Variants in SYNE1 observed in about 807,000 individuals in gnomAD.
SYNE1 encodes spectrin repeat containing nuclear envelope protein 1.
Under a neutral mutation model 1,111.0 loss-of-function variants are expected in SYNE1, and 616 were observed. The ratio of observed to expected loss-of-function variants is 0.55; its 90% confidence interval spans 0.52 to 0.59. The LOEUF (loss-of-function observed/expected upper bound fraction) is 0.59. Among genes scored for constraint, SYNE1 ranks in the 20% least tolerant of loss-of-function variants. SYNE1 has a pLI of 0.00. For missense variants in SYNE1, 10,006 were observed against 10,417.0 expected (o/e 0.96, Z 1.72); for synonymous variants, 3,855 against 3,825.8 (o/e 1.01, Z -0.28).
chr6:152,239,015 A>G (rs1165496244), intron 108 of SYNE1, among the ~76,000 whole-genome samples: 1 of 151,210 alleles, frequency 6.6e-6, no homozygotes, highest in Non-Finnish European at 1.5e-5. Context: ...CTCCTGCCTC[A>G]GCCTCCCAAG....
chr6:152,136,573 C>T (rs2057127304), intron 141 of SYNE1, 45 bp downstream of exon 141: 1 of 1,607,632 alleles, frequency 6.2e-7, no homozygotes, highest in Non-Finnish European at 8.5e-7. Context: ...AGCTAAATTG[C>T]TAATGTCTCT....
In SYNE1 at chr6:152,364,959, C is replaced by T; in HGVS notation, c.10033G>A (p.Glu3345Lys). ...IQMKMIVTRG[E>K]SVLQNTSPEG... is the part of the protein sequence containing the mutation. ...GGAGAAGTATTCTGAAGGACAGATTCTCCCCTGGTCACTATCATTTTCATC... is the reference window on the plus strand; with the variant it reads ...GGAGAAGTATTCTGAAGGACAGATTTTCCCCTGGTCACTATCATTTTCATC... The change falls in exon 63 of 146, where the codon GAA (glutamate) becomes AAA (lysine). Residue 3345 changes from glutamate (E) to lysine (K), a missense_variant. By Grantham distance (56) the Glu-to-Lys change is moderately conservative. Transcript: ENST00000367255. 2 of 1,614,252 alleles carry T rather than the reference C, an allele frequency of 1.2e-6. No homozygotes were observed. Among genetic ancestry groups the T allele is most frequent in the Middle Eastern group, 1.6e-4 (1 of 6,062 alleles).
At position 152,353,348 on chromosome 6, in the gene SYNE1, G is replaced by C; in HGVS notation, c.11168C>G (p.Ser3723Cys). The C allele has an allele frequency of 6.2e-7, 1 of 1,614,056 alleles. No individual in the cohort carries two copies. The highest frequency in any genetic ancestry group is 8.5e-7 in the Non-Finnish European group (1 of 1,180,008). ...SLSSYSDWYGSTHKNFKNVAT... is the reference protein window; with the variant it reads ...SLSSYSDWYGCTHKNFKNVAT... ...CACATTCTTGAAGTTTTTATGAGTA[G>C]AGCCATACCAATCAGAATAGGAACT... Residue 3723 changes from serine (S) to cysteine (C), a missense_variant, in exon 69 of 146, where the codon TCT (serine) becomes TGT (cysteine). Coordinates refer to ENST00000367255, the MANE Select transcript of SYNE1 (RefSeq NM_182961.4).
intron 137 of SYNE1, chr6:152,145,312 C>A (rs1209201662): frequency 2.8e-5 from 19 of 682,252 alleles, no homozygotes; most frequent in Non-Finnish European, 3.7e-5. Flanking sequence ...TTAGTGAAAT[C>A]TTATTCTTGG....
rs1347140489 is a variant in SYNE1 at position 152,157,584 on chromosome 6, A to AT, written c.23791-1488dup. ...AGAGAAATTGAAACATTCCCAACAC[A>AT]TAGAAATAATAAATACCAGAGGTGA... On this transcript the variant is annotated intron_variant, in intron 131 of 145. Transcript: ENST00000367255. 2.0e-5 allele frequency among the ~76,000 whole-genome samples: 3 copies of AT among 152,344 alleles called. No individual in the cohort carries two copies. The East Asian group carries it at 5.8e-4, about 29-fold the overall frequency.
intron 16 of SYNE1, among the ~76,000 whole-genome samples, chr6:152,469,304 T>C (rs1323455496): frequency 6.6e-6 from 1 of 152,078 alleles, no homozygotes; most frequent in Non-Finnish European, 1.5e-5. Context: ...CTAGAAAAAT[T>C]CCTACCATTT....
At chr6:152,518,080 A>G (rs1264934289) in intron 6 of SYNE1, among the ~76,000 whole-genome samples, 1 of 151,892 alleles carries the variant, frequency 6.6e-6, no homozygotes, top group African/African-American at 2.4e-5. Context: ...ATGGGGAAGA[A>G]TAGAACTAAC....
In SYNE1 at chr6:152,281,957, C is replaced by T. The variant is rs1391616122; in HGVS notation, c.18231G>A (p.Glu6077=). 2 of 1,613,952 alleles carry T rather than the reference C, an allele frequency of 1.2e-6. No individual in the cohort carries two copies. The highest frequency in any genetic ancestry group is 1.3e-5 in the African/African-American group (1 of 74,922). Residue 6077 remains glutamate (E), a synonymous_variant, in exon 97 of 146, where the codon GAG becomes GAA. Coordinates refer to ENST00000367255, the MANE Select transcript of SYNE1 (RefSeq NM_182961.4). ...LLEEKLNDQL[E]EQRQEQALQR... is the part of the protein sequence containing the mutation. Reference sequence around the variant, plus strand: ...GCAGGGCCTGTTCCTGCCTTTGTTCCTCCAGCTGATCATTCAACTTCTCCT... The same window carrying T: ...GCAGGGCCTGTTCCTGCCTTTGTTCTTCCAGCTGATCATTCAACTTCTCCT...
intron 42 of SYNE1, among the ~76,000 whole-genome samples, chr6:152,412,410 C>T (rs938698133): frequency 2.1e-5 from 3 of 144,298 alleles, no homozygotes; most frequent in African/African-American, 5.2e-5. Flanking sequence ...GGCGACAGAG[C>T]GAGACTCCGT....
At chr6:152,345,062 G>T (rs1164110575) in intron 73 of SYNE1, among the ~76,000 whole-genome samples, 2 of 152,040 alleles carry the variant, frequency 1.3e-5, no homozygotes, top group Non-Finnish European at 2.9e-5. Flanking sequence ...CTGACATTGG[G>T]TTTATCCCTT....
chr6:152,357,980 T>C (rs1590988614), intron 66 of SYNE1, among the ~76,000 whole-genome samples: 1 of 152,212 alleles, frequency 6.6e-6, no homozygotes, highest in Non-Finnish European at 1.5e-5. Context: ...AACTACATGG[T>C]TCAAGATATT....
At chr6:152,559,028 A>T (rs2099385438) in intron 3 of SYNE1, among the ~76,000 whole-genome samples, 1 of 115,190 alleles carries the variant, frequency 8.7e-6, no homozygotes, top group African/African-American at 3.4e-5. Context: ...TTATTTTTAG[A>T]GAGAGGGTCG....
chr6:152,193,274 T>A (rs1436959163), intron 127 of SYNE1, among the ~76,000 whole-genome samples: 1 of 152,208 alleles, frequency 6.6e-6, no homozygotes, highest in African/African-American at 2.4e-5. Flanking sequence ...TCAAATAATA[T>A]CTTAATACAC....
chr6:152,369,625 T>A lies in SYNE1; in HGVS notation c.9508-11A>T. 1 of 1,614,062 alleles carries A rather than the reference T, an allele frequency of 6.2e-7. No individual in the cohort carries two copies. The highest frequency in any genetic ancestry group is 8.5e-7 in the Non-Finnish European group (1 of 1,179,990). ...TTGGATCTTTAGATTCTGCAAGGTTTTAGATAGTGTCCAGGACAAGAAAAT... is the reference window on the plus strand; with the variant it reads ...TTGGATCTTTAGATTCTGCAAGGTTATAGATAGTGTCCAGGACAAGAAAAT... On this transcript the variant is annotated splice_polypyrimidine_tract_variant and intron_variant, in intron 59 of 145. Coordinates refer to ENST00000367255, the MANE Select transcript of SYNE1 (RefSeq NM_182961.4).
chr6:152,388,552 G>A lies in SYNE1; in HGVS notation c.8178-1171C>T, dbSNP rs572400969. Among the ~76,000 whole-genome samples, 104 of 152,224 alleles carry A rather than the reference G, an allele frequency of 6.8e-4. 1 individual carries two copies. The South Asian group carries it at 6.8e-3, about 10-fold the overall frequency. On this transcript the variant is annotated intron_variant, in intron 53 of 145. Transcript: ENST00000367255. ...AGGCTTAAGCAATCTGCCTAACTTGGCCTCCCAAAGTGCTGGGATTACAGG... is the reference window on the plus strand; with the variant it reads ...AGGCTTAAGCAATCTGCCTAACTTGACCTCCCAAAGTGCTGGGATTACAGG...
intron 32 of SYNE1, among the ~76,000 whole-genome samples, chr6:152,437,919 C>T (rs890321711): frequency 6.6e-6 from 1 of 152,122 alleles, no homozygotes; most frequent in African/African-American, 2.4e-5. Context: ...TTAATGTTCT[C>T]ATAGAAATAT....
chr6:152,635,775 C>A (rs2099704922), intron 2 of SYNE1, among the ~76,000 whole-genome samples: 2 of 152,120 alleles, frequency 1.3e-5, no homozygotes, highest in South Asian at 4.1e-4. Flanking sequence ...GTTTTCCACC[C>A]CAAAACGAAA....
At chr6:152,468,062 ATCAGG>A (rs939340907) in intron 16 of SYNE1, among the ~76,000 whole-genome samples, 1 of 151,916 alleles carries the variant, frequency 6.6e-6, no homozygotes, top group Non-Finnish European at 1.5e-5. Flanking sequence ...AGCCATTTTA[ATCAGG>A]GGACTTTTAA....
intron 59 of SYNE1, 103 bp from the exon 60 acceptor site, chr6:152,369,717 T>C (rs531191196): frequency 7.2e-7 from 1 of 1,396,188 alleles, no homozygotes; most frequent in African/African-American, 1.4e-5. Context: ...GCACAGTGGC[T>C]CACGCCTGTA....
Sources: allele counts gnomAD v4.1 joint callset (sites outside exome capture counted in the v4.1 genomes callset), GRCh38; gene constraint gnomAD v4.1.1; transcripts MANE v1.5; gene names NCBI Gene and HGNC (gene_info 2026-07-23, HGNC 2026-07-21).